Variants in STAB2 observed in about 807,000 individuals in gnomAD.
The protein encoded by STAB2 is stabilin 2.
A neutral mutation model predicts 338.1 loss-of-function variants in STAB2; 288 were observed. The observed-to-expected ratio is 0.85, with a 90% CI of 0.77 to 0.94. The LOEUF is 0.94. STAB2 is among the 40% of genes least tolerant of loss of function. STAB2 has a pLI of 0.00. For synonymous variants in STAB2, 1,202 were observed against 1,193.3 expected, an observed-to-expected ratio of 1.01 and a Z score of -0.15; for missense variants, 3,141 against 3,210.1, an observed-to-expected ratio of 0.98 and a Z score of 0.52.
At position 103,591,022 on chromosome 12, in the gene STAB2, A is replaced by T. The variant is rs2138526471; in HGVS notation, c.207A>T (p.Arg69=). ...TTACCAGTGGCTCTGTAGGGGTTCGAGATTGCAGGTACTCATGAGAAAATA... is the reference window on the plus strand; with the variant it reads ...TTACCAGTGGCTCTGTAGGGGTTCGTGATTGCAGGTACTCATGAGAAAATA... ...TMITSGSVGV[R]DCRYTFEVRT... Residue 69 remains arginine, a synonymous_variant, in exon 2 of 69, where the codon CGA becomes CGT. Coordinates refer to ENST00000388887, the MANE Select transcript of STAB2 (RefSeq NM_017564.10). The T allele has an allele frequency of 6.2e-7, 1 of 1,613,868 alleles. No homozygotes were observed. The highest frequency in any genetic ancestry group is 2.2e-5 in the East Asian group (1 of 44,872).
intron 9 of STAB2, among the ~76,000 whole-genome samples, chr12:103,640,651 G>A (rs1427102667): frequency 6.6e-6 from 1 of 152,136 alleles, no homozygotes; most frequent in Non-Finnish European, 1.5e-5. Context: ...ACAAGACTAG[G>A]GAAAGTGAAT....
chr12:103,595,581 C>T (rs1018914516), intron 3 of STAB2, among the ~76,000 whole-genome samples: 14 of 151,888 alleles, frequency 9.2e-5, no homozygotes, highest in Non-Finnish European at 1.5e-4. Context: ...TTTTAACTAA[C>T]GATTAAATGA....
chr12:103,677,558 A>C lies in STAB2; in HGVS notation c.2752A>C (p.Ser918Arg). The C allele has an allele frequency of 6.2e-7, 1 of 1,614,142 alleles. No homozygotes were observed. Among genetic ancestry groups the C allele is most frequent in the Middle Eastern group, 1.7e-4 (1 of 6,060 alleles). The change falls in exon 25 of 69, where the codon AGT (serine) becomes CGT (arginine). Residue 918 changes from serine (S) to arginine (R), a missense_variant. Ser to Arg is a moderately radical substitution (Grantham distance 110). Coordinates refer to ENST00000388887, the MANE Select transcript of STAB2 (RefSeq NM_017564.10). Reference sequence around the variant, plus strand: ...GGAGATCAACAACTGCCTGCTGCCCAGTGCAGGCGGCTGCCACGACAACGC... The same window carrying C: ...GGAGATCAACAACTGCCTGCTGCCCCGTGCAGGCGGCTGCCACGACAACGC... ...CSEINNCLLP[S>R]AGGCHDNASC...
chr12:103,653,242 C>T (rs1048355595), intron 12 of STAB2, among the ~76,000 whole-genome samples: 1 of 151,834 alleles, frequency 6.6e-6, no homozygotes, highest in East Asian at 1.9e-4. Flanking sequence ...GATTAGTCAA[C>T]AAAATGTGCA....
chr12:103,745,023 A>AT, intron 56 of STAB2, 150 bp from the exon 57 acceptor site: 1 of 646,612 alleles, frequency 1.5e-6, no homozygotes, highest in South Asian at 2.1e-5. Flanking sequence ...TGAATAAGTT[A>AT]TTTTTTAGAT....
chr12:103,690,522 T>A lies in STAB2; in HGVS notation c.3281T>A (p.Leu1094Ter). 6.2e-7 allele frequency: 1 copy of A among 1,614,066 alleles called. No homozygotes were observed. The highest frequency in any genetic ancestry group is 8.5e-7 in the Non-Finnish European group (1 of 1,179,934). Reference protein sequence around the residue: ...ATSLQGNFLHLAKVDGNITIE... With the variant: ...ATSLQGNFLH ...TCTTTGCAGGGCAACTTCCTTCACT[T>A]GGCAAAGGTGGATGGGGTAAGAGCT... Residue 1094 changes from leucine (L) to a stop codon, truncating the protein, a stop_gained, in exon 30 of 69, where the codon TTG becomes TAG. Coordinates refer to ENST00000388887, the MANE Select transcript of STAB2 (RefSeq NM_017564.10). LOFTEE classifies it high-confidence loss of function.
At chr12:103,613,463 C>CTT (rs1957159770) in intron 3 of STAB2, among the ~76,000 whole-genome samples, 1 of 152,178 alleles carries the variant, frequency 6.6e-6, no homozygotes, top group African/African-American at 2.4e-5. Context: ...AGTGAGGCTC[C>CTT]GTGGACGTAG....
intron 68 of STAB2, among the ~76,000 whole-genome samples, chr12:103,765,155 C>T (rs150437201): frequency 3.0e-3 from 438 of 147,896 alleles, no homozygotes; most frequent in Non-Finnish European, 4.7e-3. Flanking sequence ...TAACTAAGTA[C>T]TGTTATGCTG....
intron 30 of STAB2, among the ~76,000 whole-genome samples, chr12:103,692,554 T>C (rs1398121308): frequency 6.6e-6 from 1 of 152,210 alleles, no homozygotes; most frequent in Non-Finnish European, 1.5e-5. Flanking sequence ...ATTATTTCTT[T>C]CTTTCTCTTT....
At chr12:103,733,824 C>G (rs965973051) in intron 51 of STAB2, among the ~76,000 whole-genome samples, 2 of 151,226 alleles carry the variant, frequency 1.3e-5, no homozygotes, top group African/African-American at 2.4e-5. Context: ...GGAGCAAGCA[C>G]GATCACAGCA....
rs1378859906 is a variant in STAB2 at position 103,749,841 on chromosome 12, C to CCAAAAAA, written c.6438+685_6438+686insCAAAAAA. ...GGTGACAGAGCAAGACTCTGTCTCA[C>CCAAAAAA]AAAAAAAAAAAAAAAAAAAAAAAAA... On this transcript the variant is annotated intron_variant, in intron 59 of 68. Coordinates refer to ENST00000388887, the MANE Select transcript of STAB2 (RefSeq NM_017564.10). Among the ~76,000 whole-genome samples, 7 of 51,152 alleles carry CCAAAAAA rather than the reference C, an allele frequency of 1.4e-4. No homozygotes were observed. In the East Asian group the frequency reaches 4.4e-3, roughly 32 times the overall value. 33.6% of individuals were successfully genotyped at this position (51,152 alleles called of 152,430 possible). A position where few individuals can be genotyped will look rare whatever the true frequency, so the allele number is the denominator to read the frequency against.
At chr12:103,667,505 C>T (rs1174935696) in intron 19 of STAB2, among the ~76,000 whole-genome samples, 1 of 152,100 alleles carries the variant, frequency 6.6e-6, no homozygotes, top group Non-Finnish European at 1.5e-5. Flanking sequence ...TGTTTAATCA[C>T]CATTCTATGA....
chr12:103,709,509 C>A (rs1011906389), intron 39 of STAB2, among the ~76,000 whole-genome samples: 1 of 152,326 alleles, frequency 6.6e-6, no homozygotes, highest in East Asian at 1.9e-4. Context: ...GTATCAGAGA[C>A]TCCCCCTCTT....
At chr12:103,702,617 T>C (rs1048167703) in intron 34 of STAB2, among the ~76,000 whole-genome samples, 1 of 152,260 alleles carries the variant, frequency 6.6e-6, no homozygotes, top group Non-Finnish European at 1.5e-5. Context: ...ATTTTTATTC[T>C]TGTATAACCA....
intron 46 of STAB2, among the ~76,000 whole-genome samples, chr12:103,726,626 C>T (rs1881227274): frequency 6.6e-6 from 1 of 152,170 alleles, no homozygotes; most frequent in Admixed American, 6.5e-5. Flanking sequence ...CATGAAAAGA[C>T]TCCCATCACA....
At chr12:103,602,084 A>T (rs1956962333) in intron 3 of STAB2, among the ~76,000 whole-genome samples, 1 of 152,252 alleles carries the variant, frequency 6.6e-6, no homozygotes, top group African/African-American at 2.4e-5. Flanking sequence ...GATAGGGAAC[A>T]GTTGCATATC....
chr12:103,659,780 G>A (rs957193577), intron 15 of STAB2, among the ~76,000 whole-genome samples: 5 of 152,218 alleles, frequency 3.3e-5, no homozygotes, highest in Non-Finnish European at 7.3e-5. Context: ...GGGCTTTGAA[G>A]GAGAGGGACA....
intron 39 of STAB2, among the ~76,000 whole-genome samples, chr12:103,708,987 A>G (rs1366482428): frequency 6.6e-6 from 1 of 152,152 alleles, no homozygotes; most frequent in African/African-American, 2.4e-5. Flanking sequence ...TACAATAACC[A>G]TATTCATTTA....
intron 2 of STAB2, among the ~76,000 whole-genome samples, chr12:103,591,337 TA>T (rs760312346): frequency 4.6e-5 from 7 of 151,814 alleles, no homozygotes; most frequent in Non-Finnish European, 1.0e-4. Flanking sequence ...ATACAAAAAT[TA>T]GCCAGGCCTG....
Sources: allele counts gnomAD v4.1 joint callset (sites outside exome capture counted in the v4.1 genomes callset), GRCh38; gene constraint gnomAD v4.1.1; transcripts MANE v1.5; gene names NCBI Gene and HGNC (gene_info 2026-07-23, HGNC 2026-07-21).